Variants in PAK5 observed in about 807,000 individuals in gnomAD.
PAK5 encodes the protein p21 (RAC1) activated kinase 5, also known as serine/threonine-protein kinase PAK 5.
A neutral mutation model predicts 65.9 loss-of-function variants in PAK5; 16 were observed. The observed-to-expected ratio is 0.24, with a 90% CI of 0.16 to 0.37. PAK5 has a LOEUF of 0.37. Ranked by LOEUF, PAK5 falls within the 10% of genes least tolerant of loss-of-function variation. The pLI, the probability that PAK5 is intolerant of heterozygous loss-of-function variation, is 1.00. For synonymous variants in PAK5, 371 were observed against 354.9 expected (o/e 1.05, Z -0.51); for missense variants, 785 against 903.9 (o/e 0.87, Z 1.69).
At chr20:9,657,717 G>C (rs1355576080) in intron 2 of PAK5, among the ~76,000 whole-genome samples, 1 of 152,102 alleles carries the variant, frequency 6.6e-6, no homozygotes, top group African/African-American at 2.4e-5. Flanking sequence ...TATTGGGTTG[G>C]GAATGCTTTG....
intron 2 of PAK5, among the ~76,000 whole-genome samples, chr20:9,669,094 T>C (rs1378547447): frequency 6.6e-6 from 1 of 152,220 alleles, no homozygotes. Context: ...TATTGTTATA[T>C]TCATAATTAC....
rs142279832 is a variant in PAK5, at chr20:9,802,910, G to GTGTGTGTATATATATATA, written c.-162+35851_-162+35852insTATATATATATACACACA. Among the ~76,000 whole-genome samples the GTGTGTGTATATATATATA allele has an allele frequency of 1.4e-3, 67 of 46,376 alleles. 1 individual carries two copies. Among genetic ancestry groups the GTGTGTGTATATATATATA allele is most frequent in the African/African-American group, 3.3e-3 (41 of 12,514 alleles). The allele number at this position is 46,376 out of a possible 152,430, so 30.4% of individuals were successfully genotyped here. On this transcript the variant is annotated intron_variant, in intron 1 of 9. Transcript: ENST00000353224. The stretch of plus-strand genomic sequence containing the variant: ...CTTCTGTACTATTGTATATGTATGT[G>GTGTGTGTATATATATATA]TATATATATATATATATATATATGA...
intron 1 of PAK5, among the ~76,000 whole-genome samples, chr20:9,812,795 A>G (rs955635695): frequency 1.3e-5 from 2 of 152,150 alleles, no homozygotes; most frequent in African/African-American, 4.8e-5. Context: ...GTATATTTCA[A>G]ATTACTAGAA....
At chr20:9,792,931 AGAT>A (rs2049065280) in intron 1 of PAK5, among the ~76,000 whole-genome samples, 1 of 152,160 alleles carries the variant, frequency 6.6e-6, no homozygotes, top group African/African-American at 2.4e-5. Flanking sequence ...CAGGCAACTG[AGAT>A]GATGCTCGTT....
rs2048203997 is a variant in PAK5 at position 9,720,735 on chromosome 20, A to T, written c.-161-9300T>A. Reference sequence around the variant, plus strand: ...CCATCAAGAGGTGATTGGATAAATAACATGCAGTATATCCAATCAGTCGGA... The same window carrying T: ...CCATCAAGAGGTGATTGGATAAATATCATGCAGTATATCCAATCAGTCGGA... On this transcript the variant is annotated intron_variant, in intron 1 of 9. Transcript: ENST00000353224. Among the ~76,000 whole-genome samples the T allele has an allele frequency of 2.0e-5, 3 of 152,174 alleles. No individual in the cohort carries two copies. The South Asian group carries it at 6.2e-4, about 32-fold the overall frequency.
At chr20:9,558,438 C>A (rs983533892) in intron 6 of PAK5, among the ~76,000 whole-genome samples, 8 of 152,062 alleles carry the variant, frequency 5.3e-5, no homozygotes, top group Admixed American at 2.0e-4. Flanking sequence ...ACAGATAATT[C>A]CATAGGCATC....
chr20:9,576,874 G>C (rs1240920900), intron 4 of PAK5, among the ~76,000 whole-genome samples: 1 of 152,184 alleles, frequency 6.6e-6, no homozygotes, highest in Non-Finnish European at 1.5e-5. Flanking sequence ...GCATGTATCT[G>C]GTACACAGCA....
At chr20:9,624,247 A>G (rs752715382) in intron 3 of PAK5, among the ~76,000 whole-genome samples, 1 of 152,190 alleles carries the variant, frequency 6.6e-6, no homozygotes, top group Admixed American at 6.5e-5. Flanking sequence ...AGAAAATGCA[A>G]CTTTTGTCCA....
At chr20:9,652,182 CG>C (rs2047211335) in intron 2 of PAK5, among the ~76,000 whole-genome samples, 1 of 152,098 alleles carries the variant, frequency 6.6e-6, no homozygotes, top group Non-Finnish European at 1.5e-5. Flanking sequence ...CCTTCACTTA[CG>C]GGAGAAAGGT....
chr20:9,801,200 G>T (rs6056894), intron 1 of PAK5, among the ~76,000 whole-genome samples: 24,020 of 151,954 alleles, frequency 0.16, 2,762 homozygotes, highest in African/African-American at 0.3. Flanking sequence ...GTAATTTAGT[G>T]GGTCACTCTT....
intron 1 of PAK5, among the ~76,000 whole-genome samples, chr20:9,783,356 A>T (rs117288572): frequency 1.3e-5 from 2 of 152,160 alleles, no homozygotes; most frequent in South Asian, 4.1e-4. Context: ...CTATTTATCA[A>T]TCAATCAAGA....
Position 9,596,379 on chromosome 20 carries a change from G to C in PAK5, c.205-15449C>G, listed in dbSNP as rs962981271. 5.9e-5 allele frequency among the ~76,000 whole-genome samples: 9 copies of C among 152,268 alleles called. No homozygotes were observed. The South Asian group carries it at 1.9e-3, about 32-fold the overall frequency. The stretch of plus-strand genomic sequence containing the variant: ...AGGCCAGGCACGGAGGCTCACGCCT[G>C]TAATCCCAGCACTTTGGGAGGCCGA... On this transcript the variant is annotated intron_variant, in intron 3 of 9. Transcript: ENST00000353224.
At chr20:9,751,557 C>T (rs11698271) in intron 1 of PAK5, among the ~76,000 whole-genome samples, 24,677 of 152,110 alleles carry the variant, frequency 0.16, 2,300 homozygotes, top group East Asian at 0.28. Context: ...ATTTGGAAAA[C>T]GAGGCTCTGA....
rs776615004 is a variant in PAK5 at position 9,580,296 on chromosome 20, G to A, written c.839C>T (p.Pro280Leu). ...SSYLNQTSPQ[P>L]TMRQRSRSGS... ...TGACCTGGACCTCTGCCGCATGGTG[G>A]GCTGAGGGCTTGTCTGATTCAGGTA... Residue 280 changes from proline (P) to leucine (L), a missense_variant, in exon 4 of 10, where the codon CCC (proline) becomes CTC (leucine). Pro to Leu is a moderately conservative substitution (Grantham distance 98, BLOSUM62 -3). Transcript: ENST00000353224. 6 of 1,614,096 alleles carry A rather than the reference G, an allele frequency of 3.7e-6. No individual in the cohort carries two copies. In the South Asian group the frequency reaches 6.6e-5, roughly 18 times the overall value.
chr20:9,773,862 C>T (rs924914463), intron 1 of PAK5, among the ~76,000 whole-genome samples: 8 of 152,202 alleles, frequency 5.3e-5, no homozygotes, highest in Admixed American at 5.2e-4. Context: ...TACTGGTCAG[C>T]AGCAGAGTTA....
chr20:9,766,099 G>A (rs988608015), intron 1 of PAK5, among the ~76,000 whole-genome samples: 8 of 151,846 alleles, frequency 5.3e-5, no homozygotes, highest in Admixed American at 6.6e-5. Context: ...GTGCGAGCAC[G>A]TAGTCCCAGC....
intron 3 of PAK5, among the ~76,000 whole-genome samples, chr20:9,594,087 C>T (rs1603237562): frequency 6.6e-6 from 1 of 152,180 alleles, no homozygotes; most frequent in South Asian, 2.1e-4. Flanking sequence ...CTCTGATCAT[C>T]GTTCTAGGGT....
intron 1 of PAK5, among the ~76,000 whole-genome samples, chr20:9,836,186 G>A (rs1979133806): frequency 7.6e-6 from 1 of 131,628 alleles, no homozygotes; most frequent in African/African-American, 3.0e-5. Context: ...TACCTCTTAT[G>A]CTAACATAAT....
At chr20:9,799,467 G>A (rs2049142681) in intron 1 of PAK5, among the ~76,000 whole-genome samples, 1 of 152,096 alleles carries the variant, frequency 6.6e-6, no homozygotes, top group Admixed American at 6.6e-5. Context: ...CATGCAACAA[G>A]TCTATGGTAT....
Sources: gnomAD v4.1 joint callset for allele counts (sites outside exome capture counted in the v4.1 genomes callset) on GRCh38, gnomAD v4.1.1 for gene constraint, MANE v1.5 for transcripts, NCBI Gene and HGNC (gene_info 2026-07-23, HGNC 2026-07-21) for gene names.